Variants in EDEM2 observed in about 807,000 individuals in gnomAD.
EDEM2 encodes ER degradation enhancing alpha-mannosidase like protein 2, also known as ER degradation-enhancing alpha-mannosidase-like protein 2.
EDEM2 carries 39 observed loss-of-function variants against 64.8 expected under a neutral mutation model. The ratio of observed to expected loss-of-function variants is 0.60; its 90% CI spans 0.47 to 0.79. The LOEUF is 0.79. Ranked by LOEUF, EDEM2 falls within the 30% of genes least tolerant of loss-of-function variation. EDEM2 has a pLI of 0.00. For missense variants in EDEM2, 609 were observed against 731.3 expected (o/e 0.83, Z 1.93); for synonymous variants, 296 against 291.5 (o/e 1.02, Z -0.16).
At chr20:35,130,367 G>A (rs2085491672) in intron 7 of EDEM2, among the ~76,000 whole-genome samples, 1 of 152,124 alleles carries the variant, frequency 6.6e-6, no homozygotes, top group Non-Finnish European at 1.5e-5. Context: ...ACTGTGCCTA[G>A]CCGAAAAAGT....
At chr20:35,142,561 GC>G in intron 3 of EDEM2, 83 bp from the exon 4 acceptor site, 1 of 1,018,918 alleles carries the variant, frequency 9.8e-7, no homozygotes, top group Non-Finnish European at 1.5e-6. Flanking sequence ...TGTTGATGTG[GC>G]CCTCACTAAT....
chr20:35,120,465 T>C (rs1042709164), intron 9 of EDEM2, among the ~76,000 whole-genome samples: 3 of 152,092 alleles, frequency 2.0e-5, no homozygotes, highest in Non-Finnish European at 4.4e-5. Context: ...GCTAATCTAA[T>C]TGCTCATATT....
chr20:35,142,904 T>C (rs969495151), intron 3 of EDEM2, among the ~76,000 whole-genome samples: 4 of 152,004 alleles, frequency 2.6e-5, no homozygotes, highest in Non-Finnish European at 5.9e-5. Context: ...GCTGGGATTA[T>C]GCACCACCAT....
chr20:35,138,045 G>C (rs2085602353), intron 4 of EDEM2, 40 bp from the exon 5 acceptor site: 1 of 1,608,632 alleles, frequency 6.2e-7, no homozygotes, highest in East Asian at 2.2e-5. Context: ...AGTCCAAAGG[G>C]AAAGACCAAG....
At chr20:35,125,355 T>C (rs1467807357) in intron 8 of EDEM2, among the ~76,000 whole-genome samples, 1 of 151,686 alleles carries the variant, frequency 6.6e-6, no homozygotes, top group African/African-American at 2.4e-5. Context: ...GCCACCACCC[T>C]AGGCTAATTT....
intron 10 of EDEM2, 102 bp downstream of exon 10, chr20:35,118,496 C>T: frequency 6.5e-7 from 1 of 1,549,332 alleles, no homozygotes; most frequent in Non-Finnish European, 8.8e-7. Flanking sequence ...AAGGTCCCTT[C>T]TAGTGCTGAT....
intron 6 of EDEM2, among the ~76,000 whole-genome samples, chr20:35,133,031 C>T (rs996246871): frequency 6.6e-6 from 1 of 152,120 alleles, no homozygotes; most frequent in Non-Finnish European, 1.5e-5. Flanking sequence ...TGAGGCAGGG[C>T]AAGGGAGGCG....
At chr20:35,146,737 A>G in intron 2 of EDEM2, 88 bp downstream of exon 2, 1 of 1,406,068 alleles carries the variant, frequency 7.1e-7, no homozygotes, top group Non-Finnish European at 9.8e-7. Context: ...CGGTGAGGAG[A>G]CCATGAAGCC....
chr20:35,121,041 A>G (rs888091160), intron 9 of EDEM2, among the ~76,000 whole-genome samples: 8 of 152,194 alleles, frequency 5.3e-5, no homozygotes, highest in African/African-American at 1.9e-4. Context: ...GTGGTCCCCA[A>G]CCGTTTTGGC....
intron 10 of EDEM2, among the ~76,000 whole-genome samples, chr20:35,116,267 A>G (rs2085308372): frequency 6.6e-6 from 1 of 152,148 alleles, no homozygotes; most frequent in Non-Finnish European, 1.5e-5. Flanking sequence ...TTGGCCTCCC[A>G]AAGTGCCAGG....
chr20:35,119,723 C>A (rs1327472384), intron 9 of EDEM2, among the ~76,000 whole-genome samples: 1 of 152,184 alleles, frequency 6.6e-6, no homozygotes, highest in Non-Finnish European at 1.5e-5. Flanking sequence ...TATGCCACAA[C>A]TGGAACTTGA....
chr20:35,145,833 ACCCCGTCT>A (rs1237743450), intron 2 of EDEM2, among the ~76,000 whole-genome samples: 2 of 151,858 alleles, frequency 1.3e-5, no homozygotes, highest in Non-Finnish European at 2.9e-5. Context: ...AAATGACAAA[ACCCCGTCT>A]CCACAAAAAA....
intron 5 of EDEM2, among the ~76,000 whole-genome samples, chr20:35,135,488 T>C (rs1287079980): frequency 6.6e-6 from 1 of 152,104 alleles, no homozygotes; most frequent in Non-Finnish European, 1.5e-5. Context: ...CTATTTCTAC[T>C]AAAAATACAA....
chr20:35,135,638 G>A lies in EDEM2; in HGVS notation c.491-689C>T, dbSNP rs11696130. On this transcript the variant is annotated intron_variant, in intron 5 of 10. Coordinates refer to ENST00000374492, the MANE Select transcript of EDEM2 (RefSeq NM_018217.3). Reference sequence around the variant, plus strand: ...TGCACTCCAGCCTGGGTGACAGAGCGAGACCCTGTCTCAAAATAATAATAA... The same window carrying A: ...TGCACTCCAGCCTGGGTGACAGAGCAAGACCCTGTCTCAAAATAATAATAA... Among the ~76,000 whole-genome samples the A allele has an allele frequency of 9.8e-3, 1,483 of 151,288 alleles. 15 individuals carry two copies. The highest frequency in any genetic ancestry group is 0.031 in the Admixed American group (477 of 15,222).
intron 7 of EDEM2, among the ~76,000 whole-genome samples, chr20:35,127,424 A>G (rs1262976641): frequency 2.0e-5 from 3 of 152,196 alleles, no homozygotes; most frequent in Non-Finnish European, 4.4e-5. Flanking sequence ...GAGAACTTAC[A>G]TTCTAGTAGG....
chr20:35,124,111 T>C (rs944999955), intron 8 of EDEM2, 77 bp from the exon 9 acceptor site: 5 of 1,543,042 alleles, frequency 3.2e-6, no homozygotes, highest in Non-Finnish European at 4.4e-6. Context: ...AAAGACAAAG[T>C]AAAATCTGTG....
In EDEM2 at chr20:35,142,427, T is replaced by C; in HGVS notation, c.310A>G (p.Ser104Gly). The C allele has an allele frequency of 6.2e-7, 1 of 1,614,160 alleles. No individual in the cohort carries two copies. Among genetic ancestry groups the C allele is most frequent in the Non-Finnish European group, 8.5e-7 (1 of 1,180,038 alleles). Residue 104 changes from serine to glycine, a missense_variant, in exon 4 of 11, where the codon AGC (serine) becomes GGC (glycine). Ser to Gly is a moderately conservative substitution (Grantham distance 56). Transcript: ENST00000374492. ...FQRVVEVLQD[S>G]VDFDIDVNAS... Reference sequence around the variant, plus strand: ...TTCACATCAATATCAAAGTCCACGCTGTCCTGGAGCACTTCAACCACTCTT... The same window carrying C: ...TTCACATCAATATCAAAGTCCACGCCGTCCTGGAGCACTTCAACCACTCTT...
At chr20:35,122,849 G>A (rs1324183921) in intron 9 of EDEM2, among the ~76,000 whole-genome samples, 2 of 152,218 alleles carry the variant, frequency 1.3e-5, no homozygotes, top group East Asian at 3.8e-4. Flanking sequence ...GGTAGAGGAA[G>A]GCAGGATAAC....
chr20:35,130,979 G>T (rs1250561447), intron 7 of EDEM2, among the ~76,000 whole-genome samples: 1 of 152,158 alleles, frequency 6.6e-6, no homozygotes, highest in Non-Finnish European at 1.5e-5. Flanking sequence ...GATGCTGAAG[G>T]TCCCAAATTC....
Sources: allele counts gnomAD v4.1 joint callset (sites outside exome capture counted in the v4.1 genomes callset), GRCh38; gene constraint gnomAD v4.1.1; transcripts MANE v1.5; gene names NCBI Gene and HGNC (gene_info 2026-07-23, HGNC 2026-07-21).